The following CARD18 variants were observed in gnomAD, a reference collection of about 807,000 sequenced individuals.
CARD18 encodes the protein caspase recruitment domain family member 18, also known as caspase recruitment domain-containing protein 18.
CARD18 carries 7 observed loss-of-function variants against 7.9 expected under a neutral mutation model. The ratio of observed to expected loss-of-function variants is 0.88; its 90% CI spans 0.50 to 1.66. The LOEUF (loss-of-function observed/expected upper bound fraction) is 1.66. Ranked by LOEUF, CARD18 falls within the 40% of genes most tolerant of loss-of-function variation. CARD18 has a pLI of 0.00. For missense variants in CARD18, 134 were observed against 105.5 expected (o/e 1.27, Z -1.18); for synonymous variants, 34 against 34.8 (o/e 0.98, Z 0.08).
chr11:105,138,979 C>A lies in CARD18; in HGVS notation c.107G>T (p.Ser36Ile), dbSNP rs758621115. The change falls in exon 2 of 3, where the codon AGC becomes ATC. Residue 36 changes from serine to isoleucine, a missense_variant. Transcript: ENST00000530950. ...LDCLLEDEVISQEDMNKVRDE... is the reference protein window; with the variant it reads ...LDCLLEDEVIIQEDMNKVRDE... ...TCTCACTTTGTTCATGTCTTCCTGG[C>A]TAATAACTTCATCCTCTAATAGGCA... The A allele has an allele frequency of 5.6e-5, 91 of 1,613,554 alleles. No individual in the cohort carries two copies. The highest frequency in any genetic ancestry group is 1.0e-4 in the Admixed American group (6 of 59,950).
chr11:105,139,374 A>C, intron 1 of CARD18: 2 of 535,628 alleles, frequency 3.7e-6, no homozygotes, highest in Non-Finnish European at 3.3e-6. Context: ...GGGAATTGAC[A>C]GTTTCATGAA....
In CARD18 at chr11:105,138,982, A is replaced by G. The variant is rs1002942414; in HGVS notation, c.104T>C (p.Ile35Thr). ...CACTTTGTTCATGTCTTCCTGGCTA[A>G]TAACTTCATCCTCTAATAGGCAATC... ...LLDCLLEDEV[I>T]SQEDMNKVRD... is the part of the protein sequence containing the mutation. Residue 35 changes from isoleucine (I) to threonine (T), a missense_variant, in exon 2 of 3, where the codon ATT becomes ACT. By Grantham distance (89) the Ile-to-Thr change is moderately conservative. Transcript: ENST00000530950. 9 of 1,613,536 alleles carry G rather than the reference A, an allele frequency of 5.6e-6. No individual in the cohort carries two copies. The Admixed American group carries it at 6.7e-5, about 12-fold the overall frequency.
chr11:105,139,085 G>A lies in CARD18; in HGVS notation c.8-7C>T. ...TTTTTACGCAAGAGTTGGTCTGTTG[G>A]AAGCACAAAGATTCCTCAAATAATG... is the stretch of plus-strand genomic sequence containing the variant. On this transcript the variant is annotated splice_polypyrimidine_tract_variant and splice_region_variant and intron_variant, in intron 1 of 2. Transcript: ENST00000530950. 6.2e-7 allele frequency: 1 copy of A among 1,608,260 alleles called. No homozygotes were observed. The highest frequency in any genetic ancestry group is 8.5e-7 in the Non-Finnish European group (1 of 1,176,942).
intron 1 of CARD18, 85 bp downstream of exon 1, chr11:105,139,635 A>G (rs1389374784): frequency 6.7e-7 from 1 of 1,487,920 alleles, no homozygotes; most frequent in African/African-American, 1.4e-5. Context: ...GCCCACACAA[A>G]CCTTCACAAA....
In CARD18 at chr11:105,138,746, GA is replaced by G; in HGVS notation, c.*1+65del. ...ATTATCAACTGACAAGACAAGTGAA[GA>G]AAATCATAACTGAATTCAAGATACA... On this transcript the variant is annotated intron_variant, in intron 2 of 2. Coordinates refer to ENST00000530950, the MANE Select transcript of CARD18 (RefSeq NM_021571.4). The G allele has an allele frequency of 3.2e-6, 5 of 1,551,722 alleles. No individual in the cohort carries two copies. In the Admixed American group the frequency reaches 8.8e-5, roughly 27 times the overall value.
In CARD18 at chr11:105,139,709, G is replaced by A. The variant is rs1865449549; in HGVS notation, c.7+11C>T. On this transcript the variant is annotated intron_variant, in intron 1 of 2. Transcript: ENST00000530950. ...TCCCTAAGACCTATCCTCTTACTGG[G>A]GAAGACTCACCAGCCATGGCTCCTC... 1 of 1,598,630 alleles carries A rather than the reference G, an allele frequency of 6.3e-7. No individual in the cohort carries two copies. Among genetic ancestry groups the A allele is most frequent in the Admixed American group, 1.7e-5 (1 of 59,948 alleles).
rs1865424673 is a variant in CARD18 at position 105,137,836 on chromosome 11, G to A, written c.*264C>T. On this transcript the variant is annotated 3_prime_UTR_variant, in exon 3 of 3. Transcript: ENST00000530950. Reference sequence around the variant, plus strand: ...CAAAGGAACTAAACAGAAAGGAAGGGAAAGGGAGGGACTTTCTTAATTACA... The same window carrying A: ...CAAAGGAACTAAACAGAAAGGAAGGAAAAGGGAGGGACTTTCTTAATTACA... 6.6e-6 allele frequency: 1 copy of A among 152,114 alleles called. No homozygotes were observed. The highest frequency in any genetic ancestry group is 2.1e-4 in the South Asian group (1 of 4,828). 9.4% of individuals were successfully genotyped at this position (152,114 alleles called of 1,614,324 possible). A position where few individuals can be genotyped will look rare whatever the true frequency, so the allele number is the denominator to read the frequency against.
At chr11:105,139,129 T>C (rs1865442933) in intron 1 of CARD18, 51 bp from the exon 2 acceptor site, 2 of 1,569,468 alleles carry the variant, frequency 1.3e-6, no homozygotes, top group East Asian at 4.5e-5. Context: ...ACAATTTCCC[T>C]CTCAATTTAC....
Position 105,139,014 on chromosome 11 carries a change from G to A in CARD18, c.72C>T (p.Ala24=). 6.2e-7 allele frequency: 1 copy of A among 1,613,532 alleles called. No homozygotes were observed. The change falls in exon 2 of 3, where the codon GCC becomes GCT. Residue 24 remains alanine (A), a synonymous_variant. Transcript: ENST00000530950. ...CATCCTCTAATAGGCAATCCAGCAA[G>A]GCATTTATTGTGCCTGCACCCACTG... The part of the protein sequence containing the change: ...IHSVGAGTIN[A]LLDCLLEDEV...
At chr11:105,139,630 C>T in intron 1 of CARD18, 90 bp downstream of exon 1, 1 of 1,462,524 alleles carries the variant, frequency 6.8e-7, no homozygotes, top group South Asian at 1.2e-5. Flanking sequence ...AGGCTGCCCA[C>T]ACAAACCTTC....
chr11:105,139,023 T>A lies in CARD18; in HGVS notation c.63A>T (p.Thr21=). 6.2e-7 allele frequency: 1 copy of A among 1,613,654 alleles called. No homozygotes were observed. The highest frequency in any genetic ancestry group is 8.5e-7 in the Non-Finnish European group (1 of 1,179,664). The change falls in exon 2 of 3, where the codon ACA becomes ACT. Residue 21 remains threonine, a synonymous_variant. Transcript: ENST00000530950. ...ATAGGCAATCCAGCAAGGCATTTAT[T>A]GTGCCTGCACCCACTGAATGGATAA... ...RIFIHSVGAG[T]INALLDCLLE... is the part of the protein sequence containing the mutation.
In CARD18 at chr11:105,139,022, T is replaced by C; in HGVS notation, c.64A>G (p.Ile22Val). 6.2e-7 allele frequency: 1 copy of C among 1,613,624 alleles called. No homozygotes were observed. Among genetic ancestry groups the C allele is most frequent in the Non-Finnish European group, 8.5e-7 (1 of 1,179,658 alleles). Residue 22 changes from isoleucine to valine, a missense_variant, in exon 2 of 3, where the codon ATA (isoleucine) becomes GTA (valine). By Grantham distance (29) the Ile-to-Val change is conservative. Coordinates refer to ENST00000530950, the MANE Select transcript of CARD18 (RefSeq NM_021571.4). The stretch of plus-strand genomic sequence containing the variant: ...AATAGGCAATCCAGCAAGGCATTTA[T>C]TGTGCCTGCACCCACTGAATGGATA... ...IFIHSVGAGT[I>V]NALLDCLLED...
intron 2 of CARD18, 72 bp from the exon 3 acceptor site, chr11:105,138,170 G>GT (rs1865429713): frequency 6.6e-6 from 1 of 152,024 alleles, no homozygotes; most frequent in Admixed American, 6.6e-5. Context: ...GCTCTTAGGA[G>GT]GCCTAGAAAT....
At chr11:105,139,392 G>A in intron 1 of CARD18, 1 of 533,650 alleles carries the variant, frequency 1.9e-6, no homozygotes, top group South Asian at 2.7e-5. Context: ...GAATTTTGAA[G>A]GGAATTGACT....
rs868536614 is a variant in CARD18 at position 105,139,387 on chromosome 11, T to G, written c.8-309A>C. ...AAGGGAATTGACAGTTTCATGAATT[T>G]TGAAGGGAATTGACTGTTTCCTTTG... On this transcript the variant is annotated intron_variant, in intron 1 of 2. Transcript: ENST00000530950. The G allele has an allele frequency of 2.1e-4, 114 of 536,016 alleles. 1 individual carries two copies. Among genetic ancestry groups the G allele is most frequent in the African/African-American group, 1.8e-3 (95 of 52,568 alleles). 33.2% of individuals were successfully genotyped at this position (536,016 alleles called of 1,614,324 possible).
At chr11:105,139,582 C>T (rs868312346) in intron 1 of CARD18, 138 bp downstream of exon 1, 1 of 877,764 alleles carries the variant, frequency 1.1e-6, no homozygotes, top group South Asian at 1.6e-5. Flanking sequence ...GGCATCTTCC[C>T]ACCCTGCCTC....
At chr11:105,138,743 G>A in intron 2 of CARD18, 69 bp downstream of exon 2, 6 of 1,536,306 alleles carry the variant, frequency 3.9e-6, no homozygotes, top group Non-Finnish European at 5.3e-6. Flanking sequence ...CAAGACAAGT[G>A]AAGAAAATCA....
intron 1 of CARD18, 104 bp downstream of exon 1, chr11:105,139,616 C>T: frequency 2.3e-6 from 3 of 1,304,872 alleles, no homozygotes; most frequent in Non-Finnish European, 3.3e-6. Context: ...CTCTCTCCAC[C>T]CCAAGGCTGC....
In CARD18 at chr11:105,138,979, C is replaced by G. The variant is rs758621115; in HGVS notation, c.107G>C (p.Ser36Thr). ...LDCLLEDEVI[S>T]QEDMNKVRDE... Reference sequence around the variant, plus strand: ...TCTCACTTTGTTCATGTCTTCCTGGCTAATAACTTCATCCTCTAATAGGCA... The same window carrying G: ...TCTCACTTTGTTCATGTCTTCCTGGGTAATAACTTCATCCTCTAATAGGCA... Residue 36 changes from serine to threonine, a missense_variant, in exon 2 of 3, where the codon AGC becomes ACC. Physicochemically the swap from Ser to Thr is moderately conservative, Grantham distance 58. Coordinates refer to ENST00000530950, the MANE Select transcript of CARD18 (RefSeq NM_021571.4). 6.2e-7 allele frequency: 1 copy of G among 1,613,672 alleles called. No homozygotes were observed. The highest frequency in any genetic ancestry group is 8.5e-7 in the Non-Finnish European group (1 of 1,179,706).
Sources: allele counts gnomAD v4.1 joint callset, GRCh38; gene constraint gnomAD v4.1.1; transcripts MANE v1.5; gene names NCBI Gene and HGNC (gene_info 2026-07-23, HGNC 2026-07-21).